The following JAKMIP3 variants were observed in gnomAD, a reference collection of about 807,000 sequenced individuals.
The protein encoded by JAKMIP3 is janus kinase and microtubule-interacting protein 3.
In JAKMIP3, 58 loss-of-function variants were observed where a neutral mutation model predicts 118.5. That is an observed-to-expected ratio of 0.49 (90% confidence interval 0.40 to 0.61). JAKMIP3 has a LOEUF of 0.61. Ranked by LOEUF, JAKMIP3 falls within the 20% of genes least tolerant of loss-of-function variation. The pLI is 0.00. For synonymous variants in JAKMIP3, 486 were observed against 451.2 expected, an observed-to-expected ratio of 1.08 and a Z score of -0.98; for missense variants, 950 against 1,109.0, an observed-to-expected ratio of 0.86 and a Z score of 2.04.
intron 3 of JAKMIP3, among the ~76,000 whole-genome samples, chr10:132,132,952 G>A (rs9419373): frequency 0.18 from 27,732 of 152,202 alleles, 2,672 homozygotes; most frequent in East Asian, 0.35. Flanking sequence ...ACCTACAGCA[G>A]AGTCAGGAGC....
chr10:132,134,558 C>G (rs1345050685), intron 4 of JAKMIP3, among the ~76,000 whole-genome samples: 1 of 152,200 alleles, frequency 6.6e-6, no homozygotes, highest in East Asian at 1.9e-4. Flanking sequence ...AAGTCTCCCA[C>G]AAGTGTCTTT....
chr10:132,074,462 A>G (rs1017947386), intron 1 of JAKMIP3, among the ~76,000 whole-genome samples: 1 of 152,122 alleles, frequency 6.6e-6, no homozygotes, highest in African/African-American at 2.4e-5. Flanking sequence ...ATTTTTTCAT[A>G]TATTTATTGG....
rs949821684 is a variant in JAKMIP3 at position 132,183,444 on chromosome 10, A to T, written c.*2191A>T. ...GTCATCATGGTTTAGCATGTTGTATATATGTCTGGAGCACTTCATACACCT... is the reference window on the plus strand; with the variant it reads ...GTCATCATGGTTTAGCATGTTGTATTTATGTCTGGAGCACTTCATACACCT... On this transcript the variant is annotated 3_prime_UTR_variant, in exon 24 of 24. Transcript: ENST00000684848. The T allele has an allele frequency of 6.6e-6, 1 of 152,216 alleles. No individual in the cohort carries two copies. The highest frequency in any genetic ancestry group is 1.5e-5 in the Non-Finnish European group (1 of 68,034). The allele number at this position is 152,216 out of a possible 1,614,324, so 9.4% of individuals were successfully genotyped here.
Position 132,117,708 on chromosome 10 carries a change from T to A in JAKMIP3, c.633+134T>A. 1 of 1,094,478 alleles carries A rather than the reference T, an allele frequency of 9.1e-7. No individual in the cohort carries two copies. Among genetic ancestry groups the A allele is most frequent in the Non-Finnish European group, 1.2e-6 (1 of 844,826 alleles). The allele number at this position is 1,094,478 out of a possible 1,614,324, so 67.8% of individuals were successfully genotyped here. On this transcript the variant is annotated intron_variant, in intron 3 of 23. Coordinates refer to ENST00000684848, the MANE Select transcript of JAKMIP3 (RefSeq NM_001323087.2). This position sits in a 1 kb window ranked among gnomAD's most constrained non-coding sequence, Gnocchi z 8.6. ...CGGGCAGCACCGGCTTCACCCCCCA[T>A]GACATTCTTAGCACAGGCTCCTCAT...
At chr10:132,057,593 C>T (rs376559250) in intron 1 of JAKMIP3, among the ~76,000 whole-genome samples, 23 of 152,216 alleles carry the variant, frequency 1.5e-4, no homozygotes, top group Non-Finnish European at 2.6e-4. Flanking sequence ...ACAGGCCCCA[C>T]GAGGCTGGCG....
intron 1 of JAKMIP3, among the ~76,000 whole-genome samples, chr10:132,053,722 G>GAGTGGAGC (rs1308941488): frequency 3.3e-5 from 5 of 152,154 alleles, no homozygotes; most frequent in Admixed American, 2.6e-4. Flanking sequence ...GCTGTTGGAG[G>GAGTGGAGC]AGTGGAGCAG....
At chr10:132,065,187 T>C (rs1333716622), upstream of JAKMIP3, among the ~76,000 whole-genome samples, 1 of 152,048 alleles carries the variant, frequency 6.6e-6, no homozygotes, top group Non-Finnish European at 1.5e-5. This position sits in a 1 kb window ranked among gnomAD's most constrained non-coding sequence, Gnocchi z 5.6. Context: ...CTAAGCGGCC[T>C]CCTGCTTGGA....
At chr10:132,113,061 A>G (rs2047112553) in intron 2 of JAKMIP3, among the ~76,000 whole-genome samples, 1 of 152,224 alleles carries the variant, frequency 6.6e-6, no homozygotes, top group African/African-American at 2.4e-5. Context: ...GATGCTGTAT[A>G]TCCCTGGTCT....
At chr10:132,071,422 C>A (rs1191309283) in intron 1 of JAKMIP3, among the ~76,000 whole-genome samples, 1 of 152,168 alleles carries the variant, frequency 6.6e-6, no homozygotes, top group Admixed American at 6.5e-5. Context: ...CCAGTCAGAT[C>A]CACTTGGTTA....
chr10:132,163,197 C>T lies in JAKMIP3; in HGVS notation c.2221-12C>T. 2 of 1,550,850 alleles carry T rather than the reference C, an allele frequency of 1.3e-6. No individual in the cohort carries two copies. The highest frequency in any genetic ancestry group is 8.7e-7 in the Non-Finnish European group (1 of 1,147,156). On this transcript the variant is annotated splice_polypyrimidine_tract_variant and intron_variant, in intron 19 of 23. Coordinates refer to ENST00000684848, the MANE Select transcript of JAKMIP3 (RefSeq NM_001323087.2). Reference sequence around the variant, plus strand: ...GAAGGCAAGGACTAAGGCGTCTCCCCTTCCGCCCCAGCACATCCTGGAGCT... The same window carrying T: ...GAAGGCAAGGACTAAGGCGTCTCCCTTTCCGCCCCAGCACATCCTGGAGCT...
intron 1 of JAKMIP3, among the ~76,000 whole-genome samples, chr10:132,071,025 G>A (rs2039750808): frequency 6.6e-6 from 1 of 152,064 alleles, no homozygotes; most frequent in African/African-American, 2.4e-5. Context: ...AGCCTTTATT[G>A]CCATAACTTT....
rs201838731 is a variant in JAKMIP3, at chr10:132,080,503, A to AT, written c.-138+14478dup. On this transcript the variant is annotated intron_variant, in intron 1 of 23. Transcript: ENST00000684848. ...TATTTTCTTGCTGTCAAGTTATAGG[A>AT]TTTTTTTTTTTTTTTTTTTTTTTTT... Among the ~76,000 whole-genome samples, 392 of 61,566 alleles carry AT rather than the reference A, an allele frequency of 6.4e-3. 79 individuals carry two copies. Among genetic ancestry groups the AT allele is most frequent in the Middle Eastern group, 0.023 (2 of 88 alleles). The allele number at this position is 61,566 out of a possible 152,430, so 40.4% of individuals were successfully genotyped here. A position where few individuals can be genotyped will look rare whatever the true frequency, so the allele number is the denominator to read the frequency against.
chr10:132,042,795 G>A (rs1295412566), intron 1 of JAKMIP3, among the ~76,000 whole-genome samples: 1 of 152,192 alleles, frequency 6.6e-6, no homozygotes, highest in Non-Finnish European at 1.5e-5. Context: ...GGTGCTTGAA[G>A]AGCTGTTTTG....
At chr10:132,115,744 A>C (rs2135295954) in intron 2 of JAKMIP3, among the ~76,000 whole-genome samples, 1 of 152,380 alleles carries the variant, frequency 6.6e-6, no homozygotes, top group African/African-American at 2.4e-5. Context: ...CGTTTCTAGT[A>C]GAAATGTGGC....
At chr10:132,080,688 A>AT (rs553903800) in intron 1 of JAKMIP3, among the ~76,000 whole-genome samples, 21 of 150,208 alleles carry the variant, frequency 1.4e-4, no homozygotes, top group African/African-American at 3.7e-4. Flanking sequence ...TGCCCAGCTA[A>AT]TTTTTTTTTC....
At chr10:132,078,627 G>T (rs1200115429) in intron 1 of JAKMIP3, among the ~76,000 whole-genome samples, 2 of 151,988 alleles carry the variant, frequency 1.3e-5, no homozygotes, top group Admixed American at 6.6e-5. Flanking sequence ...GGCGGGGGGG[G>T]GGGGGGGTCC....
At chr10:132,063,128 C>T (rs191883027), upstream of JAKMIP3, among the ~76,000 whole-genome samples, 52 of 152,154 alleles carry the variant, frequency 3.4e-4, no homozygotes, top group African/African-American at 1.2e-3. Flanking sequence ...GGCCAAGCTC[C>T]CCCAGAAAGG....
chr10:132,104,840 A>G lies in JAKMIP3; in HGVS notation c.32A>G (p.Lys11Arg). The G allele has an allele frequency of 6.4e-7, 1 of 1,554,286 alleles. No homozygotes were observed. The highest frequency in any genetic ancestry group is 1.7e-4 in the Middle Eastern group (1 of 5,966). The stretch of plus-strand genomic sequence containing the variant: ...AAGAGGGGCATGAGCAGCCGGGCCA[A>G]GGGGGACAAGGCAGAGGCCCTCGCG... Reference protein sequence around the residue: MSKRGMSSRAKGDKAEALAAL... With the variant: MSKRGMSSRARGDKAEALAAL... Residue 11 changes from lysine (K) to arginine (R), a missense_variant, in exon 2 of 24, where the codon AAG becomes AGG. Physicochemically the swap from Lys to Arg is conservative, Grantham distance 26. Transcript: ENST00000684848.
upstream of JAKMIP3, among the ~76,000 whole-genome samples, chr10:132,065,467 A>G (rs747559477): frequency 9.9e-5 from 15 of 151,584 alleles, no homozygotes; most frequent in African/African-American, 3.6e-4. The surrounding 1 kb of genome is among the most constrained non-coding windows in gnomAD (Gnocchi z 5.6). Context: ...TCACTCTGCA[A>G]TCTTGAAGGG....
Sources: gnomAD v4.1 joint callset for allele counts (sites outside exome capture counted in the v4.1 genomes callset) on GRCh38, gnomAD v4.1.1 for gene constraint, Gnocchi (gnomAD v3.1) non-coding constraint, MANE v1.5 for transcripts, NCBI Gene and HGNC (gene_info 2026-07-23, HGNC 2026-07-21) for gene names.